MSTO1: variants seen among roughly 807,000 people sequenced by gnomAD.
MSTO1 encodes misato mitochondrial distribution and morphology regulator 1.
A neutral mutation model predicts 55.7 loss-of-function variants in MSTO1; 24 were observed. That is an observed-to-expected ratio of 0.43 (90% CI 0.31 to 0.61). The LOEUF (loss-of-function observed/expected upper bound fraction) is 0.61, where lower values mean the gene tolerates loss of function less well. Ranked by LOEUF, MSTO1 falls within the 20% of genes least tolerant of loss-of-function variation. The pLI, the probability that MSTO1 is intolerant of heterozygous loss-of-function variation, is 0.09. For synonymous variants in MSTO1, 162 were observed against 252.8 expected (o/e 0.64, Z 3.41); for missense variants, 363 against 625.7 (o/e 0.58, Z 4.48).
chr1:155,565,305 A>G, the MSTO1 span, among the ~76,000 whole-genome samples: 2 of 151,966 alleles, frequency 1.3e-5, no homozygotes, highest in Non-Finnish European at 2.9e-5. Flanking sequence ...CAAAAAAAAA[A>G]AAAAAAGAAA....
the MSTO1 span, among the ~76,000 whole-genome samples, chr1:155,601,171 T>C: frequency 3.3e-5 from 5 of 151,520 alleles, no homozygotes; most frequent in East Asian, 7.9e-4. Flanking sequence ...TCTCACTCTG[T>C]TGCCCAGGCT....
chr1:155,569,102 C>T, the MSTO1 span, among the ~76,000 whole-genome samples: 1 of 151,872 alleles, frequency 6.6e-6, no homozygotes, highest in East Asian at 1.9e-4. Flanking sequence ...GTTCCACCTG[C>T]CTCGGCCTCC....
At position 155,614,098 on chromosome 1, in the gene MSTO1, C is replaced by G; in HGVS notation, c.1538C>G (p.Ser513Cys). The G allele has an allele frequency of 6.7e-7, 1 of 1,492,008 alleles. No homozygotes were observed. Among genetic ancestry groups the G allele is most frequent in the African/African-American group, 1.4e-5 (1 of 70,486 alleles). The allele number at this position is 1,492,008 out of a possible 1,614,324, so 92.4% of individuals were successfully genotyped here. A position where few individuals can be genotyped will look rare whatever the true frequency, so the allele number is the denominator to read the frequency against. Residue 513 changes from serine (S) to cysteine (C), a missense_variant, in exon 14 of 14, where the codon TCT becomes TGT. Transcript: ENST00000245564. ...CCAGTGTTTGGGGCACTGTGTTCCT[C>G]TTCGTCCCTGCACCAGACCCTGGAA... ...SIPVFGALCS[S>C]SSLHQTLEAL...
the MSTO1 span, chr1:155,590,837 T>C: frequency 8.7e-6 from 14 of 1,608,424 alleles, no homozygotes; most frequent in East Asian, 4.5e-5. Context: ...TCCCAGATGA[T>C]GGCATGCGCC....
chr1:155,609,412 A>AT (rs559556111), upstream of MSTO1, among the ~76,000 whole-genome samples: 1,549 of 148,692 alleles, frequency 0.01, 17 homozygotes, highest in Middle Eastern at 0.031. Context: ...CGCCCAGCTA[A>AT]TTTTTTTTTG....
At chr1:155,596,276 A>G in the MSTO1 span, among the ~76,000 whole-genome samples, 1 of 152,170 alleles carries the variant, frequency 6.6e-6, no homozygotes, top group Non-Finnish European at 1.5e-5. Flanking sequence ...TTATCTGCCA[A>G]TTCCTCTGGG....
chr1:155,576,517 G>A, the MSTO1 span, among the ~76,000 whole-genome samples: 1 of 151,302 alleles, frequency 6.6e-6, no homozygotes, highest in Non-Finnish European at 1.5e-5. Context: ...AGTAGAGATG[G>A]GGTTTCACCA....
the MSTO1 span, chr1:155,563,517 C>A: frequency 1.1e-5 from 5 of 456,290 alleles, no homozygotes; most frequent in African/African-American, 2.0e-5. Context: ...TTGTTGTTAA[C>A]CCTCCTCGGA....
the MSTO1 span, among the ~76,000 whole-genome samples, chr1:155,567,864 G>A: frequency 0.012 from 1,779 of 151,024 alleles, 38 homozygotes; most frequent in African/African-American, 0.04. Flanking sequence ...ATGAAACCCC[G>A]TCTCAACTAA....
the MSTO1 span, chr1:155,598,914 T>A: frequency 1.4e-6 from 2 of 1,431,826 alleles, no homozygotes; most frequent in African/African-American, 2.8e-5. Flanking sequence ...GTATTCCAGA[T>A]GGTAAGAACT....
chr1:155,579,755 G>A, the MSTO1 span, among the ~76,000 whole-genome samples: 1 of 152,090 alleles, frequency 6.6e-6, no homozygotes, highest in South Asian at 2.1e-4. Flanking sequence ...CACTGATTTA[G>A]TTCTGAACGA....
chr1:155,577,335 G>A, the MSTO1 span, among the ~76,000 whole-genome samples: 5 of 152,066 alleles, frequency 3.3e-5, no homozygotes, highest in African/African-American at 9.6e-5. Flanking sequence ...TGATCCACCC[G>A]CCTCGGCCTC....
chr1:155,588,388 A>G, the MSTO1 span, among the ~76,000 whole-genome samples: 1 of 152,112 alleles, frequency 6.6e-6, no homozygotes, highest in Non-Finnish European at 1.5e-5. Context: ...GCCTCATTTC[A>G]CTAATAATAG....
At chr1:155,581,288 C>T in the MSTO1 span, among the ~76,000 whole-genome samples, 17 of 152,120 alleles carry the variant, frequency 1.1e-4, no homozygotes, top group Middle Eastern at 0.01. Context: ...TAAATAAAGA[C>T]TGTGGTTGGA....
upstream of MSTO1, among the ~76,000 whole-genome samples, chr1:155,609,243 A>ATATATATATT (rs59756178): frequency 3.1e-3 from 169 of 54,538 alleles, 6 homozygotes; most frequent in Non-Finnish European, 4.2e-3. Context: ...ATATATATAT[A>ATATATATATT]TTTTTTTTTT....
chr1:155,591,226 G>C, the MSTO1 span: 5 of 1,610,980 alleles, frequency 3.1e-6, no homozygotes, highest in Admixed American at 6.7e-5. Context: ...AGCAGTGTCA[G>C]GACGACTCCC....
At chr1:155,583,970 A>G in the MSTO1 span, among the ~76,000 whole-genome samples, 1 of 152,130 alleles carries the variant, frequency 6.6e-6, no homozygotes, top group African/African-American at 2.4e-5. Flanking sequence ...GCCAGTAGAG[A>G]CCACCCCAGT....
chr1:155,570,366 A>G, the MSTO1 span, among the ~76,000 whole-genome samples: 1 of 152,218 alleles, frequency 6.6e-6, no homozygotes, highest in East Asian at 1.9e-4. Context: ...TGTCCTGGAT[A>G]TGAATCAACA....
chr1:155,571,549 A>G, the MSTO1 span, among the ~76,000 whole-genome samples: 4 of 152,262 alleles, frequency 2.6e-5, no homozygotes, highest in East Asian at 7.7e-4. Context: ...ACTGCAGGAG[A>G]CCCTATCTCA....
Sources: gnomAD v4.1 joint callset for allele counts (sites outside exome capture counted in the v4.1 genomes callset) on GRCh38, gnomAD v4.1.1 for gene constraint, MANE v1.5 for transcripts, NCBI Gene and HGNC (gene_info 2026-07-23, HGNC 2026-07-21) for gene names.